CDK15: variants seen among roughly 807,000 people sequenced by gnomAD.
CDK15 encodes the protein cyclin dependent kinase 15.
In CDK15, 62 loss-of-function variants were observed where a neutral mutation model predicts 60.3. The ratio of observed to expected loss-of-function variants is 1.03; its 90% CI spans 0.84 to 1.27. The LOEUF is 1.27. Among genes scored for constraint, CDK15 ranks in the 50% most tolerant of loss-of-function variants. The pLI, the probability that CDK15 is intolerant of heterozygous loss-of-function variation, is 0.00. For synonymous variants in CDK15, 194 were observed against 195.7 expected (o/e 0.99, Z 0.07); for missense variants, 541 against 527.8 (o/e 1.03, Z -0.25).
chr2:201,895,414 G>T lies in CDK15; in HGVS notation c.*2147G>T, dbSNP rs1699749794. The stretch of plus-strand genomic sequence containing the variant: ...GCTTATGCATATGCATATACCTTAT[G>T]CATATGATTATGCTTGTGCTTCCTT... On this transcript the variant is annotated 3_prime_UTR_variant, in exon 14 of 14. Transcript: ENST00000652192. 1.3e-5 allele frequency: 2 copies of T among 152,176 alleles called. No homozygotes were observed. The highest frequency in any genetic ancestry group is 4.8e-5 in the African/African-American group (2 of 41,434). 9.4% of individuals were successfully genotyped at this position (152,176 alleles called of 1,614,324 possible). A position where few individuals can be genotyped will look rare whatever the true frequency, so the allele number is the denominator to read the frequency against.
At chr2:201,861,086 A>C (rs2105798784) in intron 10 of CDK15, 1 of 1,072,440 alleles carries the variant, frequency 9.3e-7, no homozygotes, top group East Asian at 7.6e-5. Flanking sequence ...TATTGATAAA[A>C]GAGGCTTTAA....
chr2:201,841,386 G>A (rs1266822441), intron 8 of CDK15, among the ~76,000 whole-genome samples: 1 of 152,164 alleles, frequency 6.6e-6, no homozygotes, highest in Non-Finnish European at 1.5e-5. Context: ...AACTAAAAAT[G>A]TAATGTAGAA....
intron 4 of CDK15, among the ~76,000 whole-genome samples, chr2:201,814,297 T>C (rs1420941838): frequency 3.9e-5 from 6 of 152,250 alleles, no homozygotes; most frequent in Non-Finnish European, 8.8e-5. Flanking sequence ...CACAGGTGTT[T>C]ACAATTACAT....
intron 4 of CDK15, among the ~76,000 whole-genome samples, chr2:201,817,408 G>A (rs757265826): frequency 6.6e-6 from 1 of 152,058 alleles, no homozygotes. Context: ...TCATATGTTT[G>A]TTGGCCACTT....
In CDK15 at chr2:201,806,790, A is replaced by G. The variant is rs1394896237; in HGVS notation, c.123+3A>G. ...AGACCACGGAGGCTGCGTTCAAGGT[A>G]TTTGTATCCCAGGAGAGAGCATCTT... On this transcript the variant is annotated splice_donor_region_variant and intron_variant, in intron 1 of 13. Transcript: ENST00000652192. The G allele has an allele frequency of 6.3e-7, 1 of 1,598,178 alleles. No individual in the cohort carries two copies. Among genetic ancestry groups the G allele is most frequent in the African/African-American group, 1.3e-5 (1 of 75,024 alleles).
chr2:201,843,138 A>T (rs912116217), intron 8 of CDK15, among the ~76,000 whole-genome samples: 5 of 152,130 alleles, frequency 3.3e-5, no homozygotes, highest in Non-Finnish European at 4.4e-5. Flanking sequence ...GAAGCAAATT[A>T]AAAAAAAGAA....
chr2:201,890,733 A>G (rs896607571), intron 12 of CDK15, 52 bp from the exon 13 acceptor site: 2 of 1,409,888 alleles, frequency 1.4e-6, no homozygotes, highest in African/African-American at 2.9e-5. Flanking sequence ...AATATACCAC[A>G]GAAGATCCCA....
intron 3 of CDK15, among the ~76,000 whole-genome samples, chr2:201,809,917 C>T (rs1399994898): frequency 2.0e-5 from 3 of 151,972 alleles, no homozygotes; most frequent in Non-Finnish European, 4.4e-5. Flanking sequence ...CAAGTGTTAC[C>T]TTATTTATAA....
chr2:201,886,580 C>A (rs1699457774), intron 12 of CDK15, among the ~76,000 whole-genome samples: 1 of 152,188 alleles, frequency 6.6e-6, no homozygotes, highest in African/African-American at 2.4e-5. Context: ...CTGCCTTGGC[C>A]TCCCAAAGTG....
intron 11 of CDK15, among the ~76,000 whole-genome samples, chr2:201,875,872 A>G (rs1699057740): frequency 6.6e-6 from 1 of 152,208 alleles, no homozygotes; most frequent in Non-Finnish European, 1.5e-5. Context: ...GCATTTTCTA[A>G]GTGCTCTACA....
At chr2:201,831,326 T>A (rs1296147886) in intron 6 of CDK15, among the ~76,000 whole-genome samples, 1 of 152,170 alleles carries the variant, frequency 6.6e-6, no homozygotes, top group Non-Finnish European at 1.5e-5. Flanking sequence ...TTCAATGGAA[T>A]TATTTTGTTC....
At chr2:201,860,605 C>T (rs186196987) in intron 10 of CDK15, 476 of 880,334 alleles carry the variant, frequency 5.4e-4, no homozygotes, top group Non-Finnish European at 6.8e-4. Flanking sequence ...ACTAGAAGAA[C>T]GTAATGAAAA....
upstream of CDK15, chr2:201,806,525 G>C: frequency 3.1e-6 from 3 of 953,328 alleles, no homozygotes; most frequent in Non-Finnish European, 4.3e-6. Flanking sequence ...AAGTTGTGAG[G>C]CTGCTCCAGG....
At chr2:201,842,105 C>T (rs1481450082) in intron 8 of CDK15, among the ~76,000 whole-genome samples, 1 of 152,126 alleles carries the variant, frequency 6.6e-6, no homozygotes, top group Non-Finnish European at 1.5e-5. Context: ...TTTTCATCAT[C>T]CCAAACTCAA....
intron 4 of CDK15, among the ~76,000 whole-genome samples, chr2:201,815,569 C>T (rs566881811): frequency 7.9e-5 from 12 of 152,266 alleles, no homozygotes; most frequent in South Asian, 2.1e-4. Flanking sequence ...ATTTTTACAA[C>T]TAGGAGGAAA....
At chr2:201,850,069 C>T (rs1365220014) in intron 9 of CDK15, among the ~76,000 whole-genome samples, 1 of 152,182 alleles carries the variant, frequency 6.6e-6, no homozygotes, top group Non-Finnish European at 1.5e-5. Flanking sequence ...GTGATCCACC[C>T]GCTTTGGCCT....
chr2:201,861,496 C>T lies in CDK15; in HGVS notation c.1009+6559C>T, dbSNP rs1234121105. 1.0e-5 allele frequency: 10 copies of T among 982,108 alleles called. No homozygotes were observed. The African/African-American group carries it at 1.6e-4, about 16-fold the overall frequency. The allele number at this position is 982,108 out of a possible 1,614,324, so 60.8% of individuals were successfully genotyped here. A position where few individuals can be genotyped will look rare whatever the true frequency, so the allele number is the denominator to read the frequency against. On this transcript the variant is annotated intron_variant, in intron 10 of 13. Coordinates refer to ENST00000652192, the MANE Select transcript of CDK15 (RefSeq NM_001366386.2). ...TATTGAATTGCATCTGCTATAGTGCCTAACTTTTAGTAGGTACTCAATAAA... is the reference window on the plus strand; with the variant it reads ...TATTGAATTGCATCTGCTATAGTGCTTAACTTTTAGTAGGTACTCAATAAA...
chr2:201,861,016 C>T (rs1698371565), intron 10 of CDK15: 1 of 1,169,808 alleles, frequency 8.5e-7, no homozygotes, highest in African/African-American at 1.6e-5. Context: ...TCGGCATCAG[C>T]TTGGTTGTAT....
intron 6 of CDK15, among the ~76,000 whole-genome samples, chr2:201,826,583 AGGATAT>A (rs1375937130): frequency 2.6e-5 from 4 of 152,004 alleles, no homozygotes; most frequent in Non-Finnish European, 5.9e-5. Context: ...AGGGAAATAG[AGGATAT>A]GTTCAAGGAA....
Sources: allele counts gnomAD v4.1 joint callset (sites outside exome capture counted in the v4.1 genomes callset), GRCh38; gene constraint gnomAD v4.1.1; transcripts MANE v1.5; gene names NCBI Gene and HGNC (gene_info 2026-07-23, HGNC 2026-07-21).